Variants in FNIP1 observed in about 807,000 individuals in gnomAD.
The protein encoded by FNIP1 is folliculin-interacting protein 1.
Under a neutral mutation model 124.5 loss-of-function variants are expected in FNIP1, and 40 were observed. The ratio of observed to expected loss-of-function variants is 0.32; its 90% CI spans 0.25 to 0.42. The LOEUF is 0.42. Among genes scored for constraint, FNIP1 ranks in the 10% least tolerant of loss-of-function variants. FNIP1 has a pLI of 1.00. For synonymous variants in FNIP1, 472 were observed against 470.6 expected (o/e 1.00, Z -0.04); for missense variants, 1,176 against 1,403.7 (o/e 0.84, Z 2.59).
intron 1 of FNIP1, among the ~76,000 whole-genome samples, chr5:131,777,935 AC>A (rs1325306466): frequency 2.6e-5 from 4 of 152,208 alleles, no homozygotes; most frequent in Non-Finnish European, 5.9e-5. Context: ...TGTAATCATC[AC>A]CAATGGATGC....
rs116791708 is a variant in FNIP1 at position 131,677,914 on chromosome 5, A to C, written c.1350-42T>G. 1,673 of 1,582,934 alleles carry C rather than the reference A, an allele frequency of 1.1e-3. 20 individuals carry two copies. In the African/African-American group the frequency reaches 0.021, roughly 20 times the overall value. On this transcript the variant is annotated intron_variant, in intron 12 of 17. Transcript: ENST00000510461. ...TCTGATCAGATTCCAATCAGTCTTC[A>C]TGAAACCTTAGGTAAAATGTAGTGA...
intron 16 of FNIP1, among the ~76,000 whole-genome samples, chr5:131,649,628 TAAAC>T (rs1446391031): frequency 7.9e-5 from 12 of 152,190 alleles, no homozygotes; most frequent in African/African-American, 2.9e-4. Context: ...TGATAGCTAA[TAAAC>T]AAAAGTTTTT....
chr5:131,693,325 T>TAC (rs1561658291), intron 11 of FNIP1, among the ~76,000 whole-genome samples: 7 of 60,662 alleles, frequency 1.2e-4, no homozygotes, highest in Admixed American at 2.4e-4. Context: ...TACACATATA[T>TAC]ATATATACAT....
At chr5:131,761,346 A>G (rs1431405656) in intron 1 of FNIP1, among the ~76,000 whole-genome samples, 4 of 152,200 alleles carry the variant, frequency 2.6e-5, no homozygotes, top group Non-Finnish European at 4.4e-5. Flanking sequence ...GCTTGTCTGC[A>G]GAGACATCAT....
intron 1 of FNIP1, among the ~76,000 whole-genome samples, chr5:131,778,616 T>C (rs578151258): frequency 1.6e-4 from 19 of 122,040 alleles, no homozygotes; most frequent in Non-Finnish European, 2.2e-4. Flanking sequence ...GAACTAGAAA[T>C]ACCATTTGAC....
chr5:131,692,915 T>C (rs1768528793), intron 11 of FNIP1, among the ~76,000 whole-genome samples: 1 of 151,248 alleles, frequency 6.6e-6, no homozygotes, highest in Admixed American at 6.6e-5. Flanking sequence ...AGATGGGGCA[T>C]GAGAATCACT....
rs1405057373 is a variant in FNIP1, at chr5:131,683,524, G to T, written c.1203-4349C>A. Among the ~76,000 whole-genome samples, 6 of 140,148 alleles carry T rather than the reference G, an allele frequency of 4.3e-5. No individual in the cohort carries two copies. In the South Asian group the frequency reaches 1.1e-3, roughly 26 times the overall value. The allele number at this position is 140,148 out of a possible 152,430, so 91.9% of individuals were successfully genotyped here. On this transcript the variant is annotated intron_variant, in intron 11 of 17. Coordinates refer to ENST00000510461, the MANE Select transcript of FNIP1 (RefSeq NM_133372.3). ...GCCGAAACTGCGCCACTGCACTCCA[G>T]CCTGGGTGACAGAGCAAGACTCCGT...
At chr5:131,713,101 T>A (rs1769352414) in intron 6 of FNIP1, among the ~76,000 whole-genome samples, 1 of 152,044 alleles carries the variant, frequency 6.6e-6, no homozygotes, top group South Asian at 2.1e-4. Flanking sequence ...CAGGCTGGAG[T>A]GCAGTGGCAC....
intron 11 of FNIP1, among the ~76,000 whole-genome samples, chr5:131,690,064 CA>C (rs57504961): frequency 4.7e-5 from 7 of 150,304 alleles, no homozygotes; most frequent in Non-Finnish European, 1.0e-4. Context: ...ACTAAAAATA[CA>C]AAAAAAAATT....
At chr5:131,670,313 C>G (rs1043594176) in intron 15 of FNIP1, 150 bp downstream of exon 15, 7 of 570,704 alleles carry the variant, frequency 1.2e-5, no homozygotes, top group Admixed American at 3.7e-5. Context: ...GTGACAGATA[C>G]AAAGATACGG....
At position 131,672,508 on chromosome 5, in the gene FNIP1, C is replaced by G. The variant is rs778610761; in HGVS notation, c.1936G>C (p.Glu646Gln). 8.7e-6 allele frequency: 14 copies of G among 1,613,562 alleles called. No homozygotes were observed. Among genetic ancestry groups the G allele is most frequent in the African/African-American group, 2.7e-5 (2 of 74,944 alleles). Residue 646 changes from glutamate to glutamine, a missense_variant, in exon 14 of 18, where the codon GAG becomes CAG. Glu to Gln is a conservative substitution (Grantham distance 29, BLOSUM62 2). This residue lies in a region of FNIP1 where 1,109 missense variants were observed against 1,288.5 expected (regional missense o/e 0.86). Transcript: ENST00000510461. Reference protein sequence around the residue: ...SSKELLGISDECQMISPSDCQ... With the variant: ...SSKELLGISDQCQMISPSDCQ... ...TCAGAAGGAGAAATCATCTGGCACT[C>G]ATCTGAAATTCCTAGCAGCTCCTTA...
Position 131,789,525 on chromosome 5 carries a change from T to C in FNIP1, c.92+7305A>G, listed in dbSNP as rs562268216. Among the ~76,000 whole-genome samples, 7 of 152,252 alleles carry C rather than the reference T, an allele frequency of 4.6e-5. No individual in the cohort carries two copies. In the South Asian group the frequency reaches 1.5e-3, roughly 32 times the overall value. ...CCTATAGAAATAATAGAAAGTTAAG[T>C]AGTGGGGCCATTTCCTCACATTTAC... is the stretch of plus-strand genomic sequence containing the variant. On this transcript the variant is annotated intron_variant, in intron 1 of 17. Transcript: ENST00000510461.
At chr5:131,730,043 C>A (rs184868214) in intron 3 of FNIP1, among the ~76,000 whole-genome samples, 4 of 152,162 alleles carry the variant, frequency 2.6e-5, no homozygotes, top group Non-Finnish European at 5.9e-5. Context: ...GCCCGGCCCA[C>A]ATGGCTAATT....
In FNIP1 at chr5:131,748,031, C is replaced by T. The variant is rs576843018; in HGVS notation, c.93-3341G>A. Among the ~76,000 whole-genome samples, 139 of 151,920 alleles carry T rather than the reference C, an allele frequency of 9.1e-4. 1 individual carries two copies. The highest frequency in any genetic ancestry group is 1.6e-3 in the Non-Finnish European group (107 of 67,984). On this transcript the variant is annotated intron_variant, in intron 1 of 17. Coordinates refer to ENST00000510461, the MANE Select transcript of FNIP1 (RefSeq NM_133372.3). ...GATTTGTAGATATGAAGGTAAGGTG[C>T]GGAGGGAATCCATATCTAAGAGATC...
Position 131,767,431 on chromosome 5 carries a change from A to C in FNIP1, c.93-22741T>G, listed in dbSNP as rs1463572543. On this transcript the variant is annotated intron_variant, in intron 1 of 17. Coordinates refer to ENST00000510461, the MANE Select transcript of FNIP1 (RefSeq NM_133372.3). The stretch of plus-strand genomic sequence containing the variant: ...TGACAGAGTGAGATTCTGTCTCAAA[A>C]AAAAAAAAAAAAAAAAAAAAAAAAA... Among the ~76,000 whole-genome samples the C allele has an allele frequency of 2.5e-5, 3 of 117,682 alleles. No individual in the cohort carries two copies. In the East Asian group the frequency reaches 6.4e-4, roughly 25 times the overall value. The allele number at this position is 117,682 out of a possible 152,430, so 77.2% of individuals were successfully genotyped here. A position where few individuals can be genotyped will look rare whatever the true frequency, so the allele number is the denominator to read the frequency against.
At chr5:131,697,415 A>G (rs1768735731) in intron 11 of FNIP1, among the ~76,000 whole-genome samples, 1 of 152,078 alleles carries the variant, frequency 6.6e-6, no homozygotes, top group Non-Finnish European at 1.5e-5. Context: ...ACATGCCAAC[A>G]CGCCTGGCCC....
chr5:131,693,323 T>C (rs1415505764), intron 11 of FNIP1, among the ~76,000 whole-genome samples: 8 of 90,852 alleles, frequency 8.8e-5, no homozygotes, highest in Admixed American at 4.2e-4. Context: ...TATACACATA[T>C]ATATATATAC....
chr5:131,654,886 T>C (rs536869050), intron 15 of FNIP1, among the ~76,000 whole-genome samples: 2 of 152,356 alleles, frequency 1.3e-5, no homozygotes, highest in African/African-American at 4.8e-5. Context: ...AGATTTTCCA[T>C]GGAGCCCCAA....
In FNIP1 at chr5:131,672,931, T is replaced by C. The variant is rs1767808370; in HGVS notation, c.1520-7A>G. ...ATAGCGCCATACAAGTCTCCTGTAA[T>C]GGAAAAAATCAGTTATTGGACATGT... On this transcript the variant is annotated splice_region_variant and splice_polypyrimidine_tract_variant and intron_variant, in intron 13 of 17. Transcript: ENST00000510461. 2.6e-6 allele frequency: 4 copies of C among 1,520,202 alleles called. No individual in the cohort carries two copies. Among genetic ancestry groups the C allele is most frequent in the Middle Eastern group, 1.8e-4 (1 of 5,638 alleles). 94.2% of individuals were successfully genotyped at this position (1,520,202 alleles called of 1,614,324 possible). A position where few individuals can be genotyped will look rare whatever the true frequency, so the allele number is the denominator to read the frequency against.
Sources: gnomAD v4.1 joint callset for allele counts (sites outside exome capture counted in the v4.1 genomes callset) on GRCh38, gnomAD v4.1.1 for gene constraint, gnomAD v4.1.1 regional missense constraint, MANE v1.5 for transcripts, NCBI Gene and HGNC (gene_info 2026-07-23, HGNC 2026-07-21) for gene names.